Variants in PPP1R13B observed in about 807,000 individuals in gnomAD.
PPP1R13B encodes apoptosis-stimulating of p53 protein 1.
A neutral mutation model predicts 119.8 loss-of-function variants in PPP1R13B; 44 were observed. The ratio of observed to expected loss-of-function variants is 0.37; its 90% CI spans 0.29 to 0.47. The LOEUF (loss-of-function observed/expected upper bound fraction) is 0.47. PPP1R13B is among the 20% of genes least tolerant of loss of function. The pLI is 0.99. For synonymous variants in PPP1R13B, 542 were observed against 561.5 expected, an observed-to-expected ratio of 0.97 and a Z score of 0.49; for missense variants, 1,227 against 1,413.5, an observed-to-expected ratio of 0.87 and a Z score of 2.12.
chr14:103,848,139 A>G, upstream of PPP1R13B: 1 of 713,784 alleles, frequency 1.4e-6, no homozygotes, highest in Non-Finnish European at 1.7e-6. Context: ...CTTGGCTGGC[A>G]CCTGCTTCTC....
intron 4 of PPP1R13B, chr14:103,778,464 G>C (rs2085262983): frequency 4.0e-6 from 1 of 252,658 alleles, no homozygotes; most frequent in South Asian, 1.2e-4. Flanking sequence ...GGTTTCACCA[G>C]ATTGGCCAAG....
At chr14:103,815,291 G>C (rs1048679926) in intron 1 of PPP1R13B, among the ~76,000 whole-genome samples, 1 of 152,066 alleles carries the variant, frequency 6.6e-6, no homozygotes, top group African/African-American at 2.4e-5. Flanking sequence ...AGGAGAGAGC[G>C]GGAGTGACTG....
At chr14:103,813,959 T>A (rs1447027769) in intron 1 of PPP1R13B, among the ~76,000 whole-genome samples, 6 of 152,196 alleles carry the variant, frequency 3.9e-5, no homozygotes, top group African/African-American at 9.7e-5. Flanking sequence ...CTCATTATAG[T>A]ATGGACTTTA....
At chr14:103,805,532 C>T (rs559449219) in intron 1 of PPP1R13B, among the ~76,000 whole-genome samples, 6 of 151,824 alleles carry the variant, frequency 4.0e-5, no homozygotes, top group African/African-American at 1.4e-4. Context: ...GATCATGCCA[C>T]TGCACTCCAG....
intron 3 of PPP1R13B, among the ~76,000 whole-genome samples, chr14:103,784,502 G>C (rs981043796): frequency 2.1e-5 from 3 of 142,766 alleles, no homozygotes; most frequent in Admixed American, 7.4e-5. Context: ...AGAATCCCTT[G>C]AACTCCGGAG....
At chr14:103,829,177 CTAATTT>C (rs1037472049) in intron 1 of PPP1R13B, among the ~76,000 whole-genome samples, 18 of 152,250 alleles carry the variant, frequency 1.2e-4, no homozygotes, top group Non-Finnish European at 1.8e-4. Context: ...CAAAATTTTT[CTAATTT>C]TAATTATAAA....
intron 4 of PPP1R13B, among the ~76,000 whole-genome samples, chr14:103,758,662 A>C (rs1407557976): frequency 6.6e-6 from 1 of 152,206 alleles, no homozygotes; most frequent in Non-Finnish European, 1.5e-5. Flanking sequence ...GAGGGGAAGG[A>C]GCATGCCTAG....
intron 1 of PPP1R13B, among the ~76,000 whole-genome samples, chr14:103,828,146 C>G (rs889567266): frequency 6.6e-6 from 1 of 152,034 alleles, no homozygotes; most frequent in Admixed American, 6.6e-5. Context: ...GTGGGTGGAT[C>G]ACCCAAGGTC....
At chr14:103,836,596 C>G (rs771630565) in intron 1 of PPP1R13B, among the ~76,000 whole-genome samples, 1 of 151,646 alleles carries the variant, frequency 6.6e-6, no homozygotes, top group African/African-American at 2.4e-5. Context: ...TGGCGAAACC[C>G]CATCTCTACT....
chr14:103,786,788 A>AAAAAAAAAAAACT (rs57372728), intron 2 of PPP1R13B, among the ~76,000 whole-genome samples: 1 of 148,636 alleles, frequency 6.7e-6, no homozygotes, highest in African/African-American at 2.5e-5. Context: ...AAAAAAAAAA[A>AAAAAAAAAAAACT]GGCTGGTCAT....
At chr14:103,834,713 C>T (rs2086736208) in intron 1 of PPP1R13B, among the ~76,000 whole-genome samples, 1 of 151,058 alleles carries the variant, frequency 6.6e-6, no homozygotes, top group Non-Finnish European at 1.5e-5. Context: ...CCCTCAGCCT[C>T]CTGAGTAACT....
intron 4 of PPP1R13B, among the ~76,000 whole-genome samples, chr14:103,767,208 T>G (rs191311804): frequency 7.0e-4 from 107 of 152,224 alleles, no homozygotes; most frequent in African/African-American, 2.5e-3. Flanking sequence ...CCAGCTACTT[T>G]GGAGGCTGAG....
chr14:103,816,940 C>T (rs141024294), intron 1 of PPP1R13B, among the ~76,000 whole-genome samples: 55 of 152,114 alleles, frequency 3.6e-4, no homozygotes, highest in Middle Eastern at 3.4e-3. Context: ...CTAATAGCAC[C>T]CCATCTTTTT....
At chr14:103,790,809 A>G (rs556429195) in intron 2 of PPP1R13B, among the ~76,000 whole-genome samples, 82 of 152,242 alleles carry the variant, frequency 5.4e-4, no homozygotes, top group Non-Finnish European at 1.1e-3. Flanking sequence ...GTTGGAGACC[A>G]GCCTGGTAAA....
At chr14:103,848,261 C>G, upstream of PPP1R13B, 10 of 985,452 alleles carry the variant, frequency 1.0e-5, no homozygotes, top group Non-Finnish European at 1.2e-5. Context: ...ACCTGTGCCA[C>G]CTGTGCCCAC....
At chr14:103,754,811 G>A (rs1595729036) in intron 5 of PPP1R13B, among the ~76,000 whole-genome samples, 1 of 150,658 alleles carries the variant, frequency 6.6e-6, no homozygotes, top group African/African-American at 2.4e-5. Context: ...ACGGAGTCTC[G>A]CTCTGTTGCC....
chr14:103,739,945 A>C lies in PPP1R13B; in HGVS notation c.2471T>G (p.Val824Gly). ...CTGCTCCGTGGTGGGGACCGTGGCCACGTTGTTGTTATTGTCCTCTGCCGG... is the reference window on the plus strand; with the variant it reads ...CTGCTCCGTGGTGGGGACCGTGGCCCCGTTGTTGTTATTGTCCTCTGCCGG... Reference protein sequence around the residue: ...AEPAEDNNNNVATVPTTEQIP... With the variant: ...AEPAEDNNNNGATVPTTEQIP... Residue 824 changes from valine (V) to glycine (G), a missense_variant, in exon 12 of 17, where the codon GTG (valine) becomes GGG (glycine). Coordinates refer to ENST00000202556, the MANE Select transcript of PPP1R13B (RefSeq NM_015316.3). 6.2e-7 allele frequency: 1 copy of C among 1,614,096 alleles called. No homozygotes were observed. Among genetic ancestry groups the C allele is most frequent in the Admixed American group, 1.7e-5 (1 of 60,030 alleles).
At chr14:103,793,203 A>G (rs1281937227) in intron 2 of PPP1R13B, among the ~76,000 whole-genome samples, 1 of 142,626 alleles carries the variant, frequency 7.0e-6, no homozygotes, top group Non-Finnish European at 1.5e-5. Flanking sequence ...AGAAGTGAGG[A>G]AAGGAAAGAA....
In PPP1R13B at chr14:103,742,852, A is replaced by T; in HGVS notation, c.1151-29T>A. 1 of 1,611,758 alleles carries T rather than the reference A, an allele frequency of 6.2e-7. No homozygotes were observed. The highest frequency in any genetic ancestry group is 2.2e-5 in the East Asian group (1 of 44,842). Reference sequence around the variant, plus strand: ...GAAAAGAACACAGAACTTACGTAAAACTTTTCTCAATGTAGTTGAACCAAC... The same window carrying T: ...GAAAAGAACACAGAACTTACGTAAATCTTTTCTCAATGTAGTTGAACCAAC... On this transcript the variant is annotated intron_variant, in intron 9 of 16. Transcript: ENST00000202556. This position sits in a 1 kb window ranked among gnomAD's most constrained non-coding sequence, Gnocchi z 4.9.
Sources: gnomAD v4.1 joint callset for allele counts (sites outside exome capture counted in the v4.1 genomes callset) on GRCh38, gnomAD v4.1.1 for gene constraint, Gnocchi (gnomAD v3.1) non-coding constraint, MANE v1.5 for transcripts, NCBI Gene and HGNC (gene_info 2026-07-23, HGNC 2026-07-21) for gene names.